NXPE2: variants seen among roughly 807,000 people sequenced by gnomAD.
The protein encoded by NXPE2 is neurexophilin and PC-esterase domain family member 2.
A neutral mutation model predicts 34.4 loss-of-function variants in NXPE2; 34 were observed. The ratio of observed to expected loss-of-function variants is 0.99; its 90% confidence interval spans 0.75 to 1.31. The LOEUF (loss-of-function observed/expected upper bound fraction) is 1.31. Ranked by LOEUF, NXPE2 falls within the 40% of genes most tolerant of loss-of-function variation. The pLI, the probability that NXPE2 is intolerant of heterozygous loss-of-function variation, is 0.00. For synonymous variants in NXPE2, 235 were observed against 231.3 expected, an observed-to-expected ratio of 1.02 and a Z score of -0.15; for missense variants, 649 against 672.5, an observed-to-expected ratio of 0.97 and a Z score of 0.39.
chr11:114,605,212 G>A, the NXPE2 span, among the ~76,000 whole-genome samples: 4 of 151,884 alleles, frequency 2.6e-5, no homozygotes, highest in East Asian at 1.9e-4. Flanking sequence ...AATAAGTATT[G>A]CCTCGTGGGT....
At chr11:114,622,652 A>G in the NXPE2 span, among the ~76,000 whole-genome samples, 4 of 152,032 alleles carry the variant, frequency 2.6e-5, no homozygotes, top group African/African-American at 9.7e-5. Context: ...CTCGTGGGTA[A>G]CCAGTGTTAC....
At chr11:114,621,555 C>T in the NXPE2 span, among the ~76,000 whole-genome samples, 1 of 152,146 alleles carries the variant, frequency 6.6e-6, no homozygotes, top group East Asian at 1.9e-4. Context: ...ATAAGTATTA[C>T]CTCTAGGGTA....
the NXPE2 span, among the ~76,000 whole-genome samples, chr11:114,782,650 CAA>C: frequency 2.0e-5 from 3 of 152,282 alleles, no homozygotes; most frequent in East Asian, 5.8e-4. Flanking sequence ...AGTTGTAGAG[CAA>C]AGACTCAGTC....
At chr11:114,744,408 A>G in the NXPE2 span, among the ~76,000 whole-genome samples, 1 of 152,034 alleles carries the variant, frequency 6.6e-6, no homozygotes, top group Admixed American at 6.5e-5. Flanking sequence ...TTACCAGTTT[A>G]ACAACATAAG....
At chr11:114,481,606 T>A in the NXPE2 span, among the ~76,000 whole-genome samples, 2 of 152,178 alleles carry the variant, frequency 1.3e-5, no homozygotes, top group Admixed American at 6.5e-5. Context: ...TTCATAAAAT[T>A]AAACTTGAAT....
chr11:114,535,317 C>T, the NXPE2 span, among the ~76,000 whole-genome samples: 1 of 152,168 alleles, frequency 6.6e-6, no homozygotes, highest in South Asian at 2.1e-4. Context: ...GTACCAGCCA[C>T]TGCAAAAACA....
At chr11:114,761,764 C>CG in the NXPE2 span, among the ~76,000 whole-genome samples, 2 of 151,200 alleles carry the variant, frequency 1.3e-5, no homozygotes, top group East Asian at 3.9e-4. Context: ...TTAGTAGAGA[C>CG]GGGGTTTCAC....
chr11:114,740,016 A>G, the NXPE2 span, among the ~76,000 whole-genome samples: 1 of 148,514 alleles, frequency 6.7e-6, no homozygotes, highest in Non-Finnish European at 1.5e-5. Flanking sequence ...GTCAGAAACC[A>G]CAGATAGTAC....
At chr11:114,537,720 A>G in the NXPE2 span, among the ~76,000 whole-genome samples, 6 of 152,024 alleles carry the variant, frequency 3.9e-5, no homozygotes, top group African/African-American at 1.2e-4. Flanking sequence ...AATCCAACTT[A>G]CAAGGGATGT....
At chr11:114,540,799 T>C in the NXPE2 span, among the ~76,000 whole-genome samples, 2 of 139,990 alleles carry the variant, frequency 1.4e-5, no homozygotes, top group African/African-American at 2.6e-5. Context: ...CTGAGGGCAG[T>C]CTACTAGCAG....
At chr11:114,509,995 G>A in the NXPE2 span, among the ~76,000 whole-genome samples, 1 of 152,092 alleles carries the variant, frequency 6.6e-6, no homozygotes, top group Admixed American at 6.6e-5. Context: ...ATTATAAAGG[G>A]ATGATTTTAA....
At chr11:114,742,411 A>G in the NXPE2 span, among the ~76,000 whole-genome samples, 1 of 152,120 alleles carries the variant, frequency 6.6e-6, no homozygotes, top group Non-Finnish European at 1.5e-5. Context: ...AGATCACATC[A>G]GTATGTTGGG....
chr11:114,752,817 A>T, the NXPE2 span, among the ~76,000 whole-genome samples: 2 of 152,178 alleles, frequency 1.3e-5, no homozygotes, highest in Admixed American at 1.3e-4. Flanking sequence ...AACCAATTGG[A>T]TATACTAGTA....
the NXPE2 span, among the ~76,000 whole-genome samples, chr11:114,808,370 AC>A: frequency 2.0e-5 from 3 of 151,580 alleles, no homozygotes; most frequent in Non-Finnish European, 2.9e-5. Flanking sequence ...AAATAGAGAC[AC>A]AAAAAACCCT....
chr11:114,708,616 C>T (rs537849140), downstream of NXPE2, among the ~76,000 whole-genome samples: 5 of 146,472 alleles, frequency 3.4e-5, no homozygotes, highest in Middle Eastern at 3.4e-3. Context: ...GGTGACAGAG[C>T]GAGACTCCAT....
the NXPE2 span, among the ~76,000 whole-genome samples, chr11:114,615,156 T>G: frequency 6.6e-6 from 1 of 151,990 alleles, no homozygotes; most frequent in Non-Finnish European, 1.5e-5. Context: ...GTGTAACCAC[T>G]CTTACCAGGT....
At chr11:114,728,898 ATTT>A in the NXPE2 span, among the ~76,000 whole-genome samples, 1 of 152,032 alleles carries the variant, frequency 6.6e-6, no homozygotes, top group African/African-American at 2.4e-5. Context: ...CAACTAATTT[ATTT>A]TTTAATTTTT....
the NXPE2 span, among the ~76,000 whole-genome samples, chr11:114,564,953 G>GA: frequency 6.6e-6 from 1 of 152,028 alleles, no homozygotes; most frequent in South Asian, 2.1e-4. Context: ...TTCCAGGCAG[G>GA]AAAAAATCTT....
At chr11:114,726,805 G>A in the NXPE2 span, among the ~76,000 whole-genome samples, 138 of 152,034 alleles carry the variant, frequency 9.1e-4, 1 homozygote, top group Non-Finnish European at 1.7e-3. Flanking sequence ...ACTCAAACAC[G>A]GTTTATCCAA....
Sources: allele counts gnomAD v4.1 joint callset (sites outside exome capture counted in the v4.1 genomes callset), GRCh38; gene constraint gnomAD v4.1.1; transcripts MANE v1.5; gene names NCBI Gene and HGNC (gene_info 2026-07-23, HGNC 2026-07-21).